The following CATSPERB variants were observed in gnomAD, a reference collection of about 807,000 sequenced individuals.
CATSPERB encodes the protein cation channel sperm-associated auxiliary subunit beta.
Under a neutral mutation model 128.3 loss-of-function variants are expected in CATSPERB, and 93 were observed. The ratio of observed to expected loss-of-function variants is 0.72; its 90% CI spans 0.61 to 0.86. The LOEUF (loss-of-function observed/expected upper bound fraction) is 0.86, where lower values mean the gene tolerates loss of function less well. Among genes scored for constraint, CATSPERB ranks in the 40% least tolerant of loss-of-function variants. The pLI is 0.00. For missense variants in CATSPERB, 1,153 were observed against 1,329.5 expected (o/e 0.87, Z 2.06); for synonymous variants, 381 against 448.8 (o/e 0.85, Z 1.91).
In CATSPERB at chr14:91,636,480, T is replaced by G; in HGVS notation, c.1687A>C (p.Thr563Pro). Residue 563 changes from threonine (T) to proline (P), a missense_variant, in exon 17 of 27, where the codon ACG becomes CCG. Thr to Pro is a conservative substitution (Grantham distance 38). Transcript: ENST00000256343. ...AYVPENEPQE[T>P]IYSKKFGNIH... ...TTGCCGAACTTCTTGCTGTAGATCGTTTCCTGGGGTTCGTTCTCAGGTACA... is the reference window on the plus strand; with the variant it reads ...TTGCCGAACTTCTTGCTGTAGATCGGTTCCTGGGGTTCGTTCTCAGGTACA... The G allele has an allele frequency of 6.2e-7, 1 of 1,614,112 alleles. No homozygotes were observed. The highest frequency in any genetic ancestry group is 8.5e-7 in the Non-Finnish European group (1 of 1,179,996).
intron 20 of CATSPERB, among the ~76,000 whole-genome samples, chr14:91,617,024 C>A (rs1255098979): frequency 6.6e-6 from 1 of 152,030 alleles, no homozygotes; most frequent in Non-Finnish European, 1.5e-5. Context: ...GGATTACAGG[C>A]GTGAGCCACC....
chr14:91,701,224 G>A (rs1468132859), intron 7 of CATSPERB, among the ~76,000 whole-genome samples: 1 of 152,148 alleles, frequency 6.6e-6, no homozygotes, highest in Non-Finnish European at 1.5e-5. Context: ...AAAAGTTAGA[G>A]GGAGGTAAAG....
chr14:91,682,738 A>G (rs1197036723), intron 11 of CATSPERB, among the ~76,000 whole-genome samples: 1 of 152,216 alleles, frequency 6.6e-6, no homozygotes, highest in Non-Finnish European at 1.5e-5. Flanking sequence ...CCCACTAGCC[A>G]TCTTTTTCCC....
At chr14:91,693,651 C>T (rs1418402853) in intron 7 of CATSPERB, among the ~76,000 whole-genome samples, 172 bp from the exon 8 acceptor site, 1 of 152,180 alleles carries the variant, frequency 6.6e-6, no homozygotes, top group Non-Finnish European at 1.5e-5. Context: ...ATTAGCCAAC[C>T]ATCTGATTGA....
In CATSPERB at chr14:91,723,063, A is replaced by G. The variant is rs769092005; in HGVS notation, c.295T>C (p.Phe99Leu). ...AATGTAATTACCAACGTTAAATTAAAGTGGAAGATGCCATTATATGTACTA... is the reference window on the plus strand; with the variant it reads ...AATGTAATTACCAACGTTAAATTAAGGTGGAAGATGCCATTATATGTACTA... ...MNSTYNGIFHFNLTLFSDRIL... is the reference protein window; with the variant it reads ...MNSTYNGIFHLNLTLFSDRIL... Residue 99 changes from phenylalanine (F) to leucine (L), a missense_variant, in exon 4 of 27, where the codon TTT (phenylalanine) becomes CTT (leucine). By Grantham distance (22) the Phe-to-Leu change is conservative. Coordinates refer to ENST00000256343, the MANE Select transcript of CATSPERB (RefSeq NM_024764.4). 6.7e-7 allele frequency: 1 copy of G among 1,502,102 alleles called. No individual in the cohort carries two copies. Among genetic ancestry groups the G allele is most frequent in the South Asian group, 1.4e-5 (1 of 69,096 alleles). The allele number at this position is 1,502,102 out of a possible 1,614,324, so 93.0% of individuals were successfully genotyped here. A position where few individuals can be genotyped will look rare whatever the true frequency, so the allele number is the denominator to read the frequency against.
At chr14:91,690,779 G>C (rs577063553) in intron 10 of CATSPERB, among the ~76,000 whole-genome samples, 1 of 152,326 alleles carries the variant, frequency 6.6e-6, no homozygotes, top group East Asian at 1.9e-4. Context: ...ACACAGACTG[G>C]AGCCTGCACA....
Position 91,621,718 on chromosome 14 carries a change from G to A in CATSPERB, c.2150C>T (p.Pro717Leu), listed in dbSNP as rs1440904185. 1.2e-6 allele frequency: 2 copies of A among 1,613,664 alleles called. No homozygotes were observed. The highest frequency in any genetic ancestry group is 2.2e-5 in the East Asian group (1 of 44,886). Residue 717 changes from proline (P) to leucine (L), a missense_variant, in exon 19 of 27, where the codon CCA (proline) becomes CTA (leucine). By Grantham distance (98) the Pro-to-Leu change is moderately conservative. Coordinates refer to ENST00000256343, the MANE Select transcript of CATSPERB (RefSeq NM_024764.4). ...NGRTWKIYSK[P>L]CNYWFQHDDS... ...ATCATGTTGAAACCAATAATTACAT[G>A]GTTTTGAATATATTTTCCATGTTCG... is the stretch of plus-strand genomic sequence containing the variant.
At chr14:91,605,191 A>T (rs1350003165) in intron 22 of CATSPERB, 1 of 1,550,382 alleles carries the variant, frequency 6.5e-7, no homozygotes, top group Admixed American at 1.7e-5. Context: ...GAGGCATCTC[A>T]GCAGAAGACA....
At chr14:91,669,724 G>T in intron 14 of CATSPERB, 90 bp downstream of exon 14, 1 of 1,268,150 alleles carries the variant, frequency 7.9e-7, no homozygotes, top group Non-Finnish European at 1.1e-6. Flanking sequence ...TAGGTCATCA[G>T]AGAAGCTCTG....
intron 15 of CATSPERB, among the ~76,000 whole-genome samples, chr14:91,640,334 A>G (rs1370226531): frequency 6.8e-6 from 1 of 146,750 alleles, no homozygotes; most frequent in Non-Finnish European, 1.5e-5. Flanking sequence ...ATGCTGGTGC[A>G]CTGCACCCAC....
intron 2 of CATSPERB, among the ~76,000 whole-genome samples, chr14:91,725,575 T>G (rs1377634138): frequency 1.3e-5 from 2 of 152,176 alleles, no homozygotes; most frequent in Non-Finnish European, 2.9e-5. Context: ...CTTACTTACC[T>G]TGTGTCTGAG....
chr14:91,714,067 A>C (rs1895889116), intron 5 of CATSPERB, among the ~76,000 whole-genome samples: 1 of 152,170 alleles, frequency 6.6e-6, no homozygotes, highest in South Asian at 2.1e-4. Context: ...TAATCATCTC[A>C]ATAGATGCAA....
rs1181420435 is a variant in CATSPERB, at chr14:91,729,434, A to C, written c.46T>G (p.Phe16Val). 6.5e-7 allele frequency: 1 copy of C among 1,533,328 alleles called. No homozygotes were observed. The highest frequency in any genetic ancestry group is 1.4e-5 in the African/African-American group (1 of 73,044). The allele number at this position is 1,533,328 out of a possible 1,614,324, so 95.0% of individuals were successfully genotyped here. The stretch of plus-strand genomic sequence containing the variant: ...TATACTATTCCTGATGAAAATTCAA[A>C]TATGTTCAAAAGCAAAACTGAAACA... ...IYVSVLLLNI[F>V]EFSSGIVYNK... Residue 16 changes from phenylalanine to valine, a missense_variant, in exon 2 of 27, where the codon TTT becomes GTT. Physicochemically the swap from Phe to Val is conservative, Grantham distance 50. Coordinates refer to ENST00000256343, the MANE Select transcript of CATSPERB (RefSeq NM_024764.4).
chr14:91,667,153 A>T (rs535812383), intron 14 of CATSPERB, among the ~76,000 whole-genome samples: 1 of 152,376 alleles, frequency 6.6e-6, no homozygotes, highest in Admixed American at 6.5e-5. Flanking sequence ...ATGCTTATCT[A>T]ATCCTACATG....
chr14:91,719,526 C>A, intron 4 of CATSPERB, 48 bp from the exon 5 acceptor site: 1 of 1,332,792 alleles, frequency 7.5e-7, no homozygotes, highest in Non-Finnish European at 1.1e-6. Flanking sequence ...ACATGAATAA[C>A]AACACATCAC....
chr14:91,714,277 C>CAAAAAAAAAAAAAGG (rs1895895817), intron 5 of CATSPERB, among the ~76,000 whole-genome samples: 1 of 111,296 alleles, frequency 9.0e-6, no homozygotes. Flanking sequence ...TACAATAAGG[C>CAAAAAAAAAAAAAGG]AAAAAAAAAA....
intron 15 of CATSPERB, among the ~76,000 whole-genome samples, chr14:91,651,236 C>G (rs1362303413): frequency 6.6e-6 from 1 of 152,146 alleles, no homozygotes; most frequent in Non-Finnish European, 1.5e-5. Context: ...CCTCTTTCTT[C>G]TTGCTTTGGT....
At chr14:91,707,704 T>G (rs1395073256) in intron 6 of CATSPERB, among the ~76,000 whole-genome samples, 1 of 146,160 alleles carries the variant, frequency 6.8e-6, no homozygotes, top group African/African-American at 2.5e-5. Flanking sequence ...GTTTAAGCGA[T>G]TCTCCTGCCT....
rs529006105 is a variant in CATSPERB, at chr14:91,648,650, CTTTG to C, written c.1433-9404_1433-9401del. 9.0e-3 allele frequency among the ~76,000 whole-genome samples: 1,366 copies of C among 152,170 alleles called. 16 individuals carry two copies. The highest frequency in any genetic ancestry group is 0.044 in the Middle Eastern group (13 of 294). On this transcript the variant is annotated intron_variant, in intron 15 of 26. Coordinates refer to ENST00000256343, the MANE Select transcript of CATSPERB (RefSeq NM_024764.4). ...TATTTATATTTTATCACAGAAAGAA[CTTTG>C]TTTATTGAATACTTTCAGCCTAAAA...
Sources: allele counts gnomAD v4.1 joint callset (sites outside exome capture counted in the v4.1 genomes callset), GRCh38; gene constraint gnomAD v4.1.1; transcripts MANE v1.5; gene names NCBI Gene and HGNC (gene_info 2026-07-23, HGNC 2026-07-21).